The following CRACR2A variants were observed in gnomAD, a reference collection of about 807,000 sequenced individuals.
CRACR2A encodes the protein EF-hand calcium-binding domain-containing protein 4B.
CRACR2A carries 79 observed loss-of-function variants against 90.5 expected under a neutral mutation model. That is an observed-to-expected ratio of 0.87 (90% confidence interval 0.73 to 1.05). The LOEUF (loss-of-function observed/expected upper bound fraction) is 1.05, where lower values mean the gene tolerates loss of function less well. Among genes scored for constraint, CRACR2A ranks in the 50% least tolerant of loss-of-function variants. CRACR2A has a pLI of 0.00. For missense variants in CRACR2A, 823 were observed against 897.2 expected, an observed-to-expected ratio of 0.92 and a Z score of 1.06; for synonymous variants, 338 against 356.7, an observed-to-expected ratio of 0.95 and a Z score of 0.59.
At chr12:3,717,371 A>G (rs1946097673) in intron 2 of CRACR2A, among the ~76,000 whole-genome samples, 1 of 152,206 alleles carries the variant, frequency 6.6e-6, no homozygotes. Flanking sequence ...GACTGATTTC[A>G]GCACTGGGCA....
chr12:3,715,909 A>C (rs933458049), intron 2 of CRACR2A, among the ~76,000 whole-genome samples: 4 of 152,194 alleles, frequency 2.6e-5, no homozygotes, highest in Non-Finnish European at 5.9e-5. Context: ...ATTAGAAAAC[A>C]AAAAGAAGTC....
chr12:3,660,105 C>T (rs1945002549), intron 7 of CRACR2A, among the ~76,000 whole-genome samples: 1 of 152,174 alleles, frequency 6.6e-6, no homozygotes, highest in Admixed American at 6.5e-5. Flanking sequence ...CCTGGTTTAT[C>T]TTGTCCCTGT....
At chr12:3,695,827 T>C (rs1945729753) in intron 4 of CRACR2A, among the ~76,000 whole-genome samples, 1 of 152,218 alleles carries the variant, frequency 6.6e-6, no homozygotes, top group African/African-American at 2.4e-5. Context: ...TATTCACCCA[T>C]GTTCAAGTGA....
At position 3,633,765 on chromosome 12, in the gene CRACR2A, G is replaced by A; in HGVS notation, c.1603-29C>T. On this transcript the variant is annotated intron_variant, in intron 14 of 19. Transcript: ENST00000440314. This position sits in a 1 kb window ranked among gnomAD's most constrained non-coding sequence, Gnocchi z 4.5. ...TGGATGGCACACAATCTGACCAACT[G>A]CAGGGAATAGTCTTGCCAGCCCCTG... The A allele has an allele frequency of 6.4e-7, 1 of 1,551,198 alleles. No homozygotes were observed. The highest frequency in any genetic ancestry group is 1.4e-5 in the African/African-American group (1 of 73,140).
rs1235087657 is a variant in CRACR2A at position 3,711,223 on chromosome 12, G to C, written c.-37+2014C>G. ...CTTCCAAAAACAATGATGGGACAGGGGCACGACAGATGTTCCATCTCTAAA... is the reference window on the plus strand; with the variant it reads ...CTTCCAAAAACAATGATGGGACAGGCGCACGACAGATGTTCCATCTCTAAA... On this transcript the variant is annotated intron_variant, in intron 3 of 19. Coordinates refer to ENST00000440314, the MANE Select transcript of CRACR2A (RefSeq NM_001144958.2). The surrounding 1 kb of genome is among the most constrained non-coding windows in gnomAD (Gnocchi z 4.3). Among the ~76,000 whole-genome samples the C allele has an allele frequency of 1.3e-5, 2 of 152,146 alleles. No individual in the cohort carries two copies. Among genetic ancestry groups the C allele is most frequent in the Non-Finnish European group, 2.9e-5 (2 of 68,028 alleles).
At chr12:3,636,883 G>A in intron 14 of CRACR2A, among the ~76,000 whole-genome samples, 1 of 102,296 alleles carries the variant, frequency 9.8e-6, no homozygotes, top group South Asian at 3.2e-4. Flanking sequence ...ACACCCTACT[G>A]CAGCCACTGG....
intron 2 of CRACR2A, among the ~76,000 whole-genome samples, chr12:3,719,411 T>A (rs1946124978): frequency 1.3e-5 from 2 of 152,204 alleles, no homozygotes; most frequent in Non-Finnish European, 2.9e-5. Context: ...TCTAATGGTG[T>A]GCAGAGATAG....
chr12:3,627,918 T>G (rs559730082), intron 15 of CRACR2A, among the ~76,000 whole-genome samples: 61 of 152,304 alleles, frequency 4.0e-4, no homozygotes, highest in African/African-American at 8.9e-4. Flanking sequence ...TGCCACTTAT[T>G]AGCTGTGGAA....
At chr12:3,738,450 T>C (rs1946479269) in intron 1 of CRACR2A, among the ~76,000 whole-genome samples, 1 of 152,098 alleles carries the variant, frequency 6.6e-6, no homozygotes, top group African/African-American at 2.4e-5. Flanking sequence ...TTTTGAAGAA[T>C]GAACCAAAGA....
chr12:3,711,485 T>A lies in CRACR2A; in HGVS notation c.-37+1752A>T, dbSNP rs2137769413. On this transcript the variant is annotated intron_variant, in intron 3 of 19. Coordinates refer to ENST00000440314, the MANE Select transcript of CRACR2A (RefSeq NM_001144958.2). This position sits in a 1 kb window ranked among gnomAD's most constrained non-coding sequence, Gnocchi z 4.3. ...CTTAGCCAAGTTCTTTGCCACTTTA[T>A]AACAAGACTGGCCTTTCCTCTAGTG... 6.6e-6 allele frequency among the ~76,000 whole-genome samples: 1 copy of A among 152,368 alleles called. No homozygotes were observed. Among genetic ancestry groups the A allele is most frequent in the African/African-American group, 2.4e-5 (1 of 41,594 alleles).
chr12:3,733,974 T>TTTTTTTTTA (rs1555121381), intron 1 of CRACR2A, among the ~76,000 whole-genome samples: 1 of 19,074 alleles, frequency 5.2e-5, no homozygotes, highest in African/African-American at 1.3e-4. Flanking sequence ...TTTTGCCTTA[T>TTTTTTTTTA]TTTTTTTTTT....
intron 3 of CRACR2A, among the ~76,000 whole-genome samples, chr12:3,709,766 G>A (rs1401753737): frequency 5.9e-5 from 9 of 152,222 alleles, no homozygotes; most frequent in Non-Finnish European, 1.3e-4. Flanking sequence ...GACAGAGCGA[G>A]ACTCCGTCTC....
chr12:3,713,485 A>G (rs1946037304), intron 2 of CRACR2A, among the ~76,000 whole-genome samples, 168 bp from the exon 3 acceptor site: 1 of 152,194 alleles, frequency 6.6e-6, no homozygotes, highest in Non-Finnish European at 1.5e-5. Flanking sequence ...GTTTTGGAGA[A>G]GAGGAGGGAA....
intron 2 of CRACR2A, chr12:3,727,888 AT>A (rs972710058): frequency 6.6e-6 from 1 of 152,202 alleles, no homozygotes; most frequent in African/African-American, 2.4e-5. Flanking sequence ...TAAAAAAAAA[AT>A]AAAATAAAAT....
intron 10 of CRACR2A, 147 bp downstream of exon 10, chr12:3,654,065 G>A (rs1944850029): frequency 1.2e-5 from 10 of 801,642 alleles, no homozygotes; most frequent in Non-Finnish European, 1.9e-5. Context: ...GAATCCTAGA[G>A]GAGTGTTAGA....
intron 4 of CRACR2A, among the ~76,000 whole-genome samples, chr12:3,681,010 T>C (rs1945438566): frequency 6.6e-6 from 1 of 152,220 alleles, no homozygotes; most frequent in Non-Finnish European, 1.5e-5. Flanking sequence ...AACCCTGTCT[T>C]CCCTGCTCTC....
rs535270492 is a variant in CRACR2A, at chr12:3,650,168, T to C, written c.1047-1555A>G. On this transcript the variant is annotated intron_variant, in intron 10 of 19. Coordinates refer to ENST00000440314, the MANE Select transcript of CRACR2A (RefSeq NM_001144958.2). ...CCATGGGCTGTCAGGGCTGCCAGGC[T>C]GTGCACACACTGGGCTGGGCAAGGA... is the stretch of plus-strand genomic sequence containing the variant. 1.1e-4 allele frequency among the ~76,000 whole-genome samples: 16 copies of C among 152,350 alleles called. No individual in the cohort carries two copies. In the South Asian group the frequency reaches 3.3e-3, roughly 32 times the overall value.
In CRACR2A at chr12:3,644,497, G is replaced by A. The variant is rs193057296; in HGVS notation, c.1164+98C>T. On this transcript the variant is annotated intron_variant, in intron 12 of 19. Coordinates refer to ENST00000440314, the MANE Select transcript of CRACR2A (RefSeq NM_001144958.2). ...CGTCATCCTGCCAAATAGATCCCGA[G>A]TGTCAGGACATTGCTGGGCCAGTCT... 118 of 1,236,852 alleles carry A rather than the reference G, an allele frequency of 9.5e-5. 1 individual carries two copies. The African/African-American group carries it at 1.3e-3, about 14-fold the overall frequency. 76.6% of individuals were successfully genotyped at this position (1,236,852 alleles called of 1,614,324 possible).
At chr12:3,657,746 C>T (rs1054848701) in intron 8 of CRACR2A, among the ~76,000 whole-genome samples, 2 of 152,122 alleles carry the variant, frequency 1.3e-5, no homozygotes, top group Admixed American at 6.5e-5. Flanking sequence ...GAGCAGCGAG[C>T]GGCTCCAGAA....
Sources: allele counts gnomAD v4.1 joint callset (sites outside exome capture counted in the v4.1 genomes callset), GRCh38; gene constraint gnomAD v4.1.1; non-coding constraint Gnocchi (gnomAD v3.1); transcripts MANE v1.5; gene names NCBI Gene and HGNC (gene_info 2026-07-23, HGNC 2026-07-21).